The following EYS variants were observed in gnomAD, a reference collection of about 807,000 sequenced individuals.
EYS encodes EGF-like photoreceptor maintenance factor, also known as protein eyes shut homolog.
In EYS, 250 loss-of-function variants were observed where a neutral mutation model predicts 282.1. The observed-to-expected ratio is 0.89, with a 90% CI of 0.80 to 0.98. The LOEUF (loss-of-function observed/expected upper bound fraction) is 0.98, where lower values mean the gene tolerates loss of function less well. Among genes scored for constraint, EYS ranks in the 50% least tolerant of loss-of-function variants. The pLI is 0.00. For missense variants in EYS, 4,016 were observed against 3,709.0 expected, an observed-to-expected ratio of 1.08 and a Z score of -2.15; for synonymous variants, 1,355 against 1,282.9, an observed-to-expected ratio of 1.06 and a Z score of -1.20.
chr6:65,450,316 TAG>T (rs1198007219), intron 5 of EYS, among the ~76,000 whole-genome samples: 1 of 152,138 alleles, frequency 6.6e-6, no homozygotes, highest in East Asian at 1.9e-4. Context: ...AACTTTATCC[TAG>T]GTACAGGGGG....
chr6:64,620,425 C>A (rs1767409546), intron 23 of EYS, among the ~76,000 whole-genome samples: 1 of 152,128 alleles, frequency 6.6e-6, no homozygotes, highest in Non-Finnish European at 1.5e-5. Flanking sequence ...AAATGGTCTC[C>A]ATCAGAGCCT....
intron 5 of EYS, among the ~76,000 whole-genome samples, chr6:65,442,913 CATA>C (rs1768413836): frequency 9.8e-6 from 1 of 101,898 alleles, no homozygotes; most frequent in Non-Finnish European, 2.5e-5. Context: ...TATACATGCA[CATA>C]CATATGTACA....
At chr6:64,182,233 A>G (rs866265299) in intron 31 of EYS, among the ~76,000 whole-genome samples, 3 of 152,182 alleles carry the variant, frequency 2.0e-5, no homozygotes, top group African/African-American at 7.2e-5. Flanking sequence ...CATCATATGG[A>G]ATCTGTCCTA....
intron 12 of EYS, among the ~76,000 whole-genome samples, chr6:65,292,686 T>C (rs1359441599): frequency 6.6e-6 from 1 of 151,802 alleles, no homozygotes. Context: ...TAACTGGCAC[T>C]GTACAGTGGG....
chr6:65,475,873 TAGACTC>T, intron 5 of EYS, among the ~76,000 whole-genome samples: 1 of 152,172 alleles, frequency 6.6e-6, no homozygotes, highest in South Asian at 2.1e-4. Flanking sequence ...TTTAAAATCT[TAGACTC>T]AGAAAATAAT....
chr6:64,546,155 T>C (rs900426353), intron 26 of EYS, among the ~76,000 whole-genome samples: 6 of 152,304 alleles, frequency 3.9e-5, no homozygotes, highest in Admixed American at 6.5e-5. Context: ...AACAGCATGG[T>C]ACTGGTACCA....
At chr6:64,510,871 G>A (rs1777369508) in intron 26 of EYS, among the ~76,000 whole-genome samples, 1 of 152,034 alleles carries the variant, frequency 6.6e-6, no homozygotes, top group Non-Finnish European at 1.5e-5. Context: ...GGCAATGCCT[G>A]AGACAATTCC....
Position 65,344,130 on chromosome 6 carries a change from G to T in EYS, c.1507C>A (p.Leu503Met). 1 of 1,610,348 alleles carries T rather than the reference G, an allele frequency of 6.2e-7. No individual in the cohort carries two copies. Among genetic ancestry groups the T allele is most frequent in the Non-Finnish European group, 8.5e-7 (1 of 1,177,644 alleles). ...CQGVIDAYFF[L>M]AANCTEDATY... is the part of the protein sequence containing the mutation. ...GCATCTTCAGTGCAGTTTGCAGCCA[G>T]AAAGAAATAGGCATCAATAACCCCT... Residue 503 changes from leucine (L) to methionine (M), a missense_variant, in exon 10 of 43, where the codon CTG (leucine) becomes ATG (methionine). Leu to Met is a conservative substitution (Grantham distance 15). Transcript: ENST00000503581.
chr6:65,287,122 CAATAATGGG>C (rs1406995394), intron 12 of EYS, among the ~76,000 whole-genome samples: 2 of 150,486 alleles, frequency 1.3e-5, no homozygotes, highest in African/African-American at 4.9e-5. Flanking sequence ...GTCTATACAC[CAATAATGGG>C]AAAATTGAAA....
intron 30 of EYS, among the ~76,000 whole-genome samples, chr6:64,234,041 C>A (rs1182362254): frequency 6.6e-6 from 1 of 152,194 alleles, no homozygotes; most frequent in Admixed American, 6.6e-5. Context: ...TGCCTACGAA[C>A]CTGGCTTCTC....
intron 22 of EYS, among the ~76,000 whole-genome samples, chr6:64,785,199 A>G (rs1028878131): frequency 6.6e-6 from 1 of 152,236 alleles, no homozygotes; most frequent in Non-Finnish European, 1.5e-5. Context: ...GCTAAAATAT[A>G]CAATCTATCT....
intron 33 of EYS, among the ~76,000 whole-genome samples, chr6:64,049,829 T>G (rs1354559333): frequency 6.6e-6 from 1 of 152,122 alleles, no homozygotes; most frequent in Non-Finnish European, 1.5e-5. Flanking sequence ...TGAAGACAGA[T>G]AGAAATGAGG....
chr6:65,175,187 A>G (rs566312446), intron 12 of EYS, among the ~76,000 whole-genome samples: 40 of 151,480 alleles, frequency 2.6e-4, no homozygotes, highest in African/African-American at 7.7e-4. Context: ...CAAGAAAAGG[A>G]AAGGATGTTT....
At chr6:63,788,473 A>T (rs752362188) in intron 38 of EYS, among the ~76,000 whole-genome samples, 14 of 152,224 alleles carry the variant, frequency 9.2e-5, no homozygotes, top group Admixed American at 3.3e-4. Context: ...AATCAAAATC[A>T]AAGTTCTTCA....
At chr6:63,841,086 C>A (rs1180705704) in intron 36 of EYS, among the ~76,000 whole-genome samples, 1 of 152,086 alleles carries the variant, frequency 6.6e-6, no homozygotes, top group East Asian at 1.9e-4. Flanking sequence ...CATATCTGTG[C>A]TAACGGCTCA....
At chr6:65,473,457 AT>A in intron 5 of EYS, among the ~76,000 whole-genome samples, 1 of 152,040 alleles carries the variant, frequency 6.6e-6, no homozygotes, top group South Asian at 2.1e-4. Flanking sequence ...AGGCCACTGT[AT>A]TTTTAAAGCT....
intron 14 of EYS, among the ~76,000 whole-genome samples, chr6:64,994,929 G>A (rs11757845): frequency 0.068 from 10,314 of 152,126 alleles, 442 homozygotes; most frequent in East Asian, 0.13. Context: ...CGGAAGGACC[G>A]GCCCTTTACT....
At chr6:64,414,901 T>A (rs1774016453) in intron 28 of EYS, among the ~76,000 whole-genome samples, 1 of 152,156 alleles carries the variant, frequency 6.6e-6, no homozygotes, top group Non-Finnish European at 1.5e-5. Flanking sequence ...CACTTTTTAC[T>A]TGGAAGTATG....
At chr6:64,274,838 C>T (rs1336996642) in intron 30 of EYS, among the ~76,000 whole-genome samples, 3 of 151,552 alleles carry the variant, frequency 2.0e-5, no homozygotes, top group Non-Finnish European at 4.4e-5. Context: ...GCCTGGCCAT[C>T]GTAAGTGTTC....
Sources: gnomAD v4.1 joint callset for allele counts (sites outside exome capture counted in the v4.1 genomes callset) on GRCh38, gnomAD v4.1.1 for gene constraint, MANE v1.5 for transcripts, NCBI Gene and HGNC (gene_info 2026-07-23, HGNC 2026-07-21) for gene names.